Variants in STIM1 observed in about 807,000 individuals in gnomAD.
STIM1 encodes the protein stromal interaction molecule 1.
Under a neutral mutation model 74.7 loss-of-function variants are expected in STIM1, and 25 were observed. That is an observed-to-expected ratio of 0.33 (90% CI 0.24 to 0.47). The LOEUF (loss-of-function observed/expected upper bound fraction) is 0.47, where lower values mean the gene tolerates loss of function less well. Ranked by LOEUF, STIM1 falls within the 20% of genes least tolerant of loss-of-function variation. The pLI is 1.00. For synonymous variants in STIM1, 328 were observed against 348.8 expected, an observed-to-expected ratio of 0.94 and a Z score of 0.66; for missense variants, 728 against 920.8, an observed-to-expected ratio of 0.79 and a Z score of 2.71.
intron 6 of STIM1, among the ~76,000 whole-genome samples, chr11:4,073,478 C>T (rs1181340371): frequency 1.3e-5 from 2 of 152,202 alleles, no homozygotes; most frequent in African/African-American, 2.4e-5. Context: ...TATCTGTCTA[C>T]TTGTCTTTGT....
intron 1 of STIM1, among the ~76,000 whole-genome samples, chr11:3,879,503 C>A (rs1005451998): frequency 1.3e-5 from 2 of 152,178 alleles, no homozygotes; most frequent in Non-Finnish European, 2.9e-5. Context: ...TATAATAACT[C>A]CCCAGATTGG....
intron 1 of STIM1, among the ~76,000 whole-genome samples, chr11:3,945,291 T>G (rs772118904): frequency 1.3e-5 from 2 of 152,120 alleles, no homozygotes; most frequent in Non-Finnish European, 2.9e-5. Context: ...AAAAATGTTG[T>G]GTAGGCTGGG....
At chr11:3,911,893 A>T (rs2092567610) in intron 1 of STIM1, among the ~76,000 whole-genome samples, 1 of 152,172 alleles carries the variant, frequency 6.6e-6, no homozygotes, top group Non-Finnish European at 1.5e-5. Context: ...TTAAAGACAG[A>T]AACACTGCTT....
chr11:3,898,533 G>A (rs1392728663), intron 1 of STIM1, among the ~76,000 whole-genome samples: 2 of 140,504 alleles, frequency 1.4e-5, no homozygotes, highest in African/African-American at 5.4e-5. Context: ...GATCCCATTT[G>A]TCAATTTTGG....
At chr11:4,041,363 A>G (rs1018802747) in intron 3 of STIM1, among the ~76,000 whole-genome samples, 2 of 152,206 alleles carry the variant, frequency 1.3e-5, no homozygotes, top group African/African-American at 4.8e-5. Context: ...AGAAGCCAAT[A>G]AAAGCTTAGT....
intron 3 of STIM1, among the ~76,000 whole-genome samples, chr11:4,054,920 G>A (rs1307183269): frequency 1.3e-5 from 2 of 152,090 alleles, no homozygotes; most frequent in Admixed American, 6.6e-5. Context: ...TCTCTGTGCC[G>A]TATGTATTTT....
At chr11:3,887,722 A>C (rs2091761594) in intron 1 of STIM1, among the ~76,000 whole-genome samples, 1 of 152,070 alleles carries the variant, frequency 6.6e-6, no homozygotes, top group Non-Finnish European at 1.5e-5. Context: ...TAATCCTAGC[A>C]CTTTGGGAGG....
intron 2 of STIM1, among the ~76,000 whole-genome samples, chr11:3,971,386 G>A (rs986638020): frequency 7.9e-5 from 12 of 152,052 alleles, no homozygotes; most frequent in African/African-American, 2.9e-4. Context: ...AAAATTCTCC[G>A]GGCGTGGTGG....
In STIM1 at chr11:4,037,022, A is replaced by G. The variant is rs563500878; in HGVS notation, c.385+13035A>G. ...ACATATCTTTATCAATTTTCCACCT[A>G]CTTGTTCTATCTTTTTCCTTTCTTT... On this transcript the variant is annotated intron_variant, in intron 3 of 12. Transcript: ENST00000526596. 6.5e-4 allele frequency among the ~76,000 whole-genome samples: 98 copies of G among 151,304 alleles called. 1 individual carries two copies. Among genetic ancestry groups the G allele is most frequent in the African/African-American group, 2.3e-3 (96 of 41,318 alleles).
At chr11:4,086,167 A>G (rs2094491979) in intron 11 of STIM1, 1 of 439,216 alleles carries the variant, frequency 2.3e-6, no homozygotes. Context: ...ACCTTATCCC[A>G]AGCCCCTATC....
intron 12 of STIM1, chr11:4,088,933 T>C (rs930034074): frequency 1.9e-5 from 11 of 566,368 alleles, no homozygotes; most frequent in Non-Finnish European, 2.9e-5. Flanking sequence ...GAGAGAGGCA[T>C]AGAAGGACAG....
At chr11:3,992,095 T>C (rs1234685225) in intron 2 of STIM1, among the ~76,000 whole-genome samples, 69 of 136,432 alleles carry the variant, frequency 5.1e-4, no homozygotes, top group Admixed American at 9.5e-4. Context: ...TTTTGTTTTT[T>C]TTTTTTTTTT....
chr11:3,903,776 G>C (rs1435557254), intron 1 of STIM1, among the ~76,000 whole-genome samples: 1 of 152,204 alleles, frequency 6.6e-6, no homozygotes, highest in Non-Finnish European at 1.5e-5. Flanking sequence ...GGCTGGGCAA[G>C]TGGGTTGGGG....
At chr11:4,075,743 A>G (rs2094433745) in intron 7 of STIM1, among the ~76,000 whole-genome samples, 1 of 152,164 alleles carries the variant, frequency 6.6e-6, no homozygotes, top group African/African-American at 2.4e-5. Context: ...TGGACATATA[A>G]TATTCATGTA....
Position 3,980,030 on chromosome 11 carries a change from C to T in STIM1, c.270+12348C>T, listed in dbSNP as rs192481501. On this transcript the variant is annotated intron_variant, in intron 2 of 12. Transcript: ENST00000526596. ...AACTCCCATAGTACATAGTCTCTAT[C>T]GCTCGATTTAGCACTTAATTAGAAA... Among the ~76,000 whole-genome samples, 348 of 152,272 alleles carry T rather than the reference C, an allele frequency of 2.3e-3. 2 individuals carry two copies. The highest frequency in any genetic ancestry group is 7.6e-3 in the African/African-American group (316 of 41,534).
At chr11:3,915,489 C>T (rs1479224913) in intron 1 of STIM1, among the ~76,000 whole-genome samples, 1 of 151,828 alleles carries the variant, frequency 6.6e-6, no homozygotes, top group African/African-American at 2.4e-5. Flanking sequence ...GCTCCGCCTC[C>T]CGGGTTCACG....
chr11:4,065,338 C>T (rs2094358275), intron 5 of STIM1, among the ~76,000 whole-genome samples: 1 of 152,116 alleles, frequency 6.6e-6, no homozygotes, highest in Non-Finnish European at 1.5e-5. Context: ...TACCTGCATC[C>T]TTACCCTCTC....
At chr11:4,065,159 G>C (rs534949038) in intron 5 of STIM1, among the ~76,000 whole-genome samples, 1 of 152,166 alleles carries the variant, frequency 6.6e-6, no homozygotes. Flanking sequence ...GGAATATTGA[G>C]AAAAGTGCAG....
At chr11:4,002,436 C>T (rs2093728104) in intron 2 of STIM1, among the ~76,000 whole-genome samples, 1 of 152,170 alleles carries the variant, frequency 6.6e-6, no homozygotes, top group Non-Finnish European at 1.5e-5. Context: ...AAGAAACTCA[C>T]TCAGAACTGC....
Sources: allele counts gnomAD v4.1 joint callset (sites outside exome capture counted in the v4.1 genomes callset), GRCh38; gene constraint gnomAD v4.1.1; transcripts MANE v1.5; gene names NCBI Gene and HGNC (gene_info 2026-07-23, HGNC 2026-07-21).